VPS8: variants seen among roughly 807,000 people sequenced by gnomAD.
The protein encoded by VPS8 is vacuolar protein sorting-associated protein 8 homolog.
A neutral mutation model predicts 216.4 loss-of-function variants in VPS8; 129 were observed. The ratio of observed to expected loss-of-function variants is 0.60; its 90% CI spans 0.52 to 0.69. VPS8 has a LOEUF of 0.69. VPS8 is among the 30% of genes least tolerant of loss of function. VPS8 has a pLI of 0.00. For synonymous variants in VPS8, 571 were observed against 565.4 expected, an observed-to-expected ratio of 1.01 and a Z score of -0.14; for missense variants, 1,531 against 1,683.5, an observed-to-expected ratio of 0.91 and a Z score of 1.59.
chr3:184,957,391 A>G lies in VPS8; in HGVS notation c.3053A>G (p.Asn1018Ser), dbSNP rs181247766. ...GTTTTTAGGGAAGGTATTCATGTAA[A>G]TCAAGAATTACTGCAAATATCTCCT... Reference protein sequence around the residue: ...LLDPREGIHVNQELLQISPCI... With the variant: ...LLDPREGIHVSQELLQISPCI... Residue 1018 changes from asparagine to serine, a missense_variant, in exon 37 of 48, where the codon AAT (asparagine) becomes AGT (serine). This residue lies in a region of VPS8 where 1,318 missense variants were observed against 1,468.4 expected (regional missense o/e 0.90). Transcript: ENST00000625842. The G allele has an allele frequency of 8.4e-4, 1,348 of 1,610,006 alleles. 20 individuals are homozygous for G. The Admixed American group carries it at 0.02, about 23-fold the overall frequency.
chr3:184,827,712 A>G (rs1719084102), intron 3 of VPS8, among the ~76,000 whole-genome samples: 1 of 152,236 alleles, frequency 6.6e-6, no homozygotes, highest in Admixed American at 6.5e-5. Context: ...TCTGTGAGTA[A>G]CAGTAAGTAT....
chr3:184,914,988 C>G lies in VPS8; in HGVS notation c.2197C>G (p.Leu733Val), dbSNP rs1343500577. ...NKLLVYISCC[L>V]AGRAYPLGDI... ...CTCATTCTTTTCTTCTAGCTGTTGT[C>G]TAGCAGGTCGTGCCTATCCCCTTGG... The change falls in exon 27 of 48, where the codon CTA becomes GTA. Residue 733 changes from leucine (L) to valine (V), a missense_variant. Leu to Val is a conservative substitution (Grantham distance 32, BLOSUM62 1). Transcript: ENST00000625842. 1 of 1,613,938 alleles carries G rather than the reference C, an allele frequency of 6.2e-7. No individual in the cohort carries two copies. Among genetic ancestry groups the G allele is most frequent in the South Asian group, 1.1e-5 (1 of 91,086 alleles).
chr3:184,918,072 A>T (rs1278458475), intron 28 of VPS8, among the ~76,000 whole-genome samples: 5 of 152,224 alleles, frequency 3.3e-5, no homozygotes, highest in African/African-American at 1.2e-4. Context: ...TAAATTTTGT[A>T]GTAATCTAAA....
At chr3:184,905,289 A>C (rs185550086) in intron 25 of VPS8, among the ~76,000 whole-genome samples, 12 of 152,286 alleles carry the variant, frequency 7.9e-5, no homozygotes, top group Admixed American at 5.2e-4. Flanking sequence ...GTTGGAGTTT[A>C]CTCAGATTAT....
At chr3:184,896,303 A>C (rs879289603) in intron 23 of VPS8, among the ~76,000 whole-genome samples, 6 of 152,258 alleles carry the variant, frequency 3.9e-5, no homozygotes, top group Middle Eastern at 3.4e-3. Context: ...AATTTCTTCT[A>C]TTTATAATAC....
At chr3:185,012,001 C>T (rs1755073904) in intron 45 of VPS8, among the ~76,000 whole-genome samples, 1 of 151,870 alleles carries the variant, frequency 6.6e-6, no homozygotes, top group South Asian at 2.1e-4. Context: ...AATTGCAGAG[C>T]TAAAAAACAT....
intron 46 of VPS8, among the ~76,000 whole-genome samples, chr3:185,025,448 G>A (rs1757211080): frequency 6.6e-6 from 1 of 152,142 alleles, no homozygotes. Flanking sequence ...ACTAACAGGA[G>A]GTTTTAGCTT....
chr3:184,985,554 A>G (rs1389218997), intron 42 of VPS8, among the ~76,000 whole-genome samples: 4 of 152,328 alleles, frequency 2.6e-5, no homozygotes, highest in South Asian at 4.1e-4. Flanking sequence ...GAATCCATAT[A>G]GGATAATTGC....
chr3:184,835,015 G>T (rs1356905150), intron 5 of VPS8: 9 of 277,960 alleles, frequency 3.2e-5, no homozygotes, highest in Non-Finnish European at 5.3e-5. Flanking sequence ...AATACTATTT[G>T]CCTTTTCTTT....
At chr3:184,953,599 T>C (rs1004798184) in intron 36 of VPS8, among the ~76,000 whole-genome samples, 10 of 152,180 alleles carry the variant, frequency 6.6e-5, no homozygotes, top group Admixed American at 5.9e-4. Context: ...TGGTTGGCAT[T>C]TTCCATCTGG....
intron 42 of VPS8, among the ~76,000 whole-genome samples, chr3:184,986,367 T>C (rs1751072693): frequency 6.6e-6 from 1 of 152,194 alleles, no homozygotes. Flanking sequence ...GGACTGTGTC[T>C]TTAATTGCTT....
chr3:185,002,869 G>A (rs1286645645), intron 45 of VPS8, among the ~76,000 whole-genome samples: 2 of 152,158 alleles, frequency 1.3e-5, no homozygotes, highest in African/African-American at 4.8e-5. Context: ...ATTTAGGTTG[G>A]TTCCACATCT....
At chr3:184,887,935 C>A (rs531798066) in intron 22 of VPS8, among the ~76,000 whole-genome samples, 4 of 151,502 alleles carry the variant, frequency 2.6e-5, no homozygotes, top group Non-Finnish European at 4.4e-5. Flanking sequence ...TCTAGTGTTA[C>A]GTAATTAGCA....
At chr3:185,023,082 A>C (rs1756876887) in intron 45 of VPS8, among the ~76,000 whole-genome samples, 1 of 152,212 alleles carries the variant, frequency 6.6e-6, no homozygotes, top group Non-Finnish European at 1.5e-5. Context: ...CAATCAAGAT[A>C]ATGACTCTAC....
chr3:184,827,373 T>C (rs1002795555), intron 3 of VPS8, among the ~76,000 whole-genome samples: 1 of 152,250 alleles, frequency 6.6e-6, no homozygotes, highest in Admixed American at 6.5e-5. Context: ...CTATATGTTC[T>C]GTGTGAAGAC....
chr3:184,885,996 A>G, intron 21 of VPS8, 114 bp from the exon 22 acceptor site: 1 of 1,151,760 alleles, frequency 8.7e-7, no homozygotes, highest in Non-Finnish European at 1.2e-6. Flanking sequence ...CAAAAGCATG[A>G]TATGAAGTTA....
chr3:184,995,382 T>C (rs767025181), intron 43 of VPS8, among the ~76,000 whole-genome samples: 10 of 152,164 alleles, frequency 6.6e-5, no homozygotes, highest in African/African-American at 2.4e-4. Context: ...CAGTGAAGCT[T>C]GATAACCCCT....
chr3:184,971,595 T>G, intron 39 of VPS8, 54 bp from the exon 40 acceptor site: 7 of 1,416,682 alleles, frequency 4.9e-6, no homozygotes, highest in Non-Finnish European at 6.8e-6. Context: ...ACAGAGGCTC[T>G]GAGATTATCA....
chr3:184,944,625 A>G, intron 36 of VPS8: 2 of 975,676 alleles, frequency 2.0e-6, no homozygotes, highest in Non-Finnish European at 2.4e-6. Flanking sequence ...TTTCCTCAGT[A>G]TGATTTTCCT....
Sources: gnomAD v4.1 joint callset for allele counts (sites outside exome capture counted in the v4.1 genomes callset) on GRCh38, gnomAD v4.1.1 for gene constraint, gnomAD v4.1.1 regional missense constraint, MANE v1.5 for transcripts, NCBI Gene and HGNC (gene_info 2026-07-23, HGNC 2026-07-21) for gene names.